Variants in PTPRD observed in about 807,000 individuals in gnomAD.
PTPRD encodes receptor-type tyrosine-protein phosphatase delta.
PTPRD carries 34 observed loss-of-function variants against 214.5 expected under a neutral mutation model. The observed-to-expected ratio is 0.16, with a 90% CI of 0.12 to 0.21. The LOEUF is 0.21. Ranked by LOEUF, PTPRD falls within the 10% of genes least tolerant of loss-of-function variation. The pLI is 1.00. For missense variants in PTPRD, 2,545 were observed against 2,398.7 expected (o/e 1.06, Z -1.27); for synonymous variants, 1,128 against 845.7 (o/e 1.33, Z -5.79).
intron 21 of PTPRD, among the ~76,000 whole-genome samples, chr9:8,509,376 TA>T (rs2097622410): frequency 6.6e-6 from 1 of 152,192 alleles, no homozygotes; most frequent in South Asian, 2.1e-4. Context: ...TTTCTCAGGC[TA>T]AAAATGCACA....
intron 2 of PTPRD, among the ~76,000 whole-genome samples, chr9:10,430,258 AG>A (rs1327442045): frequency 6.6e-6 from 1 of 151,948 alleles, no homozygotes; most frequent in Non-Finnish European, 1.5e-5. Context: ...TTCTCATTGC[AG>A]GCAAATATTG....
intron 3 of PTPRD, among the ~76,000 whole-genome samples, chr9:10,241,698 G>A (rs1159914241): frequency 1.3e-5 from 2 of 151,914 alleles, no homozygotes; most frequent in African/African-American, 4.8e-5. Flanking sequence ...GTTGGTGGAG[G>A]AACGGTTATT....
At chr9:8,700,328 A>G (rs1419120919) in intron 12 of PTPRD, among the ~76,000 whole-genome samples, 1 of 152,224 alleles carries the variant, frequency 6.6e-6, no homozygotes, top group Non-Finnish European at 1.5e-5. Context: ...AGTCAGCATA[A>G]AGGAATCAAA....
chr9:9,245,474 A>G (rs1231757370), intron 9 of PTPRD, among the ~76,000 whole-genome samples: 1 of 152,140 alleles, frequency 6.6e-6, no homozygotes, highest in Non-Finnish European at 1.5e-5. Context: ...TTGTAGGGAC[A>G]TGGATGAAGC....
At chr9:10,105,616 C>A (rs1416366216) in intron 3 of PTPRD, among the ~76,000 whole-genome samples, 1 of 151,868 alleles carries the variant, frequency 6.6e-6, no homozygotes, top group Non-Finnish European at 1.5e-5. Flanking sequence ...CCATCTCTCA[C>A]TCCCTCTGCC....
intron 14 of PTPRD, among the ~76,000 whole-genome samples, chr9:8,554,076 T>C (rs1269932428): frequency 4.6e-5 from 7 of 152,122 alleles, no homozygotes; most frequent in African/African-American, 1.4e-4. Flanking sequence ...TAATCCCAGC[T>C]ACTTGGAAGG....
chr9:8,566,316 C>T (rs955623720), intron 14 of PTPRD, among the ~76,000 whole-genome samples: 15 of 152,046 alleles, frequency 9.9e-5, no homozygotes, highest in Admixed American at 2.0e-4. Flanking sequence ...GAAATCTGTA[C>T]GAATAGCTGA....
chr9:9,881,933 G>C (rs1432115916), intron 5 of PTPRD, among the ~76,000 whole-genome samples: 1 of 152,066 alleles, frequency 6.6e-6, no homozygotes, highest in East Asian at 1.9e-4. Context: ...GCAGAGTCAA[G>C]TCACCCAGGC....
At chr9:9,419,955 C>T (rs78925944) in intron 8 of PTPRD, among the ~76,000 whole-genome samples, 7 of 151,408 alleles carry the variant, frequency 4.6e-5, no homozygotes, top group Non-Finnish European at 8.9e-5. Flanking sequence ...GATCCAGCAC[C>T]GACGTAAGAC....
At position 8,484,617 on chromosome 9, in the gene PTPRD, C is replaced by CAT. The variant is rs146338445; in HGVS notation, c.3154-241_3154-240dup. Among the ~76,000 whole-genome samples the CAT allele has an allele frequency of 2.4e-3, 352 of 147,816 alleles. 2 individuals are homozygous for CAT. Among genetic ancestry groups the CAT allele is most frequent in the African/African-American group, 7.0e-3 (274 of 39,314 alleles). On this transcript the variant is annotated intron_variant, in intron 29 of 45. Coordinates refer to ENST00000381196, the MANE Select transcript of PTPRD (RefSeq NM_002839.4). The stretch of plus-strand genomic sequence containing the variant: ...AAAAATACACAAAGATAGATATATA[C>CAT]ATATATATATATAGAAAATAACTTA...
In PTPRD at chr9:8,525,007, C is replaced by T. The variant is rs147447665; in HGVS notation, c.597G>A (p.Glu199=). ...CACACTCATATTTTCCTTGGTCAGA[C>T]TCTTCACTCTGCTCAATCTGAAGGG... ...RGALQIEQSE[E]SDQGKYECVA... Residue 199 remains glutamate (E), a synonymous_variant, in exon 18 of 46, where the codon GAG becomes GAA. Coordinates refer to ENST00000381196, the MANE Select transcript of PTPRD (RefSeq NM_002839.4). 206 of 1,613,628 alleles carry T rather than the reference C, an allele frequency of 1.3e-4. No individual in the cohort carries two copies. In the African/African-American group the frequency reaches 2.5e-3, roughly 20 times the overall value.
chr9:10,461,740 A>C (rs1449247052), intron 2 of PTPRD, among the ~76,000 whole-genome samples: 1 of 150,876 alleles, frequency 6.6e-6, no homozygotes, highest in African/African-American at 2.4e-5. Context: ...CTCCTGTTTC[A>C]GCCTCCTGAG....
At chr9:9,359,229 G>C (rs1334830771) in intron 9 of PTPRD, among the ~76,000 whole-genome samples, 1 of 151,198 alleles carries the variant, frequency 6.6e-6, no homozygotes, top group Non-Finnish European at 1.5e-5. Flanking sequence ...TTTAAAAAGA[G>C]AGGTCTAAGG....
At chr9:8,552,151 G>C (rs1019747905) in intron 14 of PTPRD, among the ~76,000 whole-genome samples, 1 of 152,026 alleles carries the variant, frequency 6.6e-6, no homozygotes, top group Non-Finnish European at 1.5e-5. Flanking sequence ...GTTTCTAACA[G>C]AAGACAGAAC....
At chr9:9,797,800 A>G (rs1423051941) in intron 5 of PTPRD, among the ~76,000 whole-genome samples, 1 of 152,190 alleles carries the variant, frequency 6.6e-6, no homozygotes, top group East Asian at 1.9e-4. Flanking sequence ...GTAAGCTGAG[A>G]TCGCGCCATC....
chr9:9,134,146 C>T (rs1464608202), intron 10 of PTPRD, among the ~76,000 whole-genome samples: 1 of 131,986 alleles, frequency 7.6e-6, no homozygotes, highest in Non-Finnish European at 1.5e-5. Flanking sequence ...AATCTCGGCT[C>T]ACTGCAAGCT....
chr9:10,532,701 G>A (rs1056296123), intron 2 of PTPRD, among the ~76,000 whole-genome samples: 2 of 150,210 alleles, frequency 1.3e-5, no homozygotes, highest in Admixed American at 1.3e-4. Flanking sequence ...CTCCTAAATA[G>A]CAGGTTTTAT....
chr9:8,953,231 G>A (rs1226128976), intron 11 of PTPRD, among the ~76,000 whole-genome samples: 4 of 151,804 alleles, frequency 2.6e-5, no homozygotes, highest in Non-Finnish European at 4.4e-5. Context: ...CCAGGAGAAG[G>A]GTCGCTACAG....
intron 5 of PTPRD, among the ~76,000 whole-genome samples, chr9:9,853,196 C>T (rs2060877280): frequency 6.6e-6 from 1 of 152,166 alleles, no homozygotes; most frequent in South Asian, 2.1e-4. Context: ...GACAAACAGG[C>T]TTTATTGCAA....
Sources: allele counts gnomAD v4.1 joint callset (sites outside exome capture counted in the v4.1 genomes callset), GRCh38; gene constraint gnomAD v4.1.1; transcripts MANE v1.5; gene names NCBI Gene and HGNC (gene_info 2026-07-23, HGNC 2026-07-21).